The following ART3 variants were observed in gnomAD, a reference collection of about 807,000 sequenced individuals.
ART3 encodes the protein ADP-ribosyltransferase 3 (inactive), also known as ecto-ADP-ribosyltransferase 3.
ART3 carries 49 observed loss-of-function variants against 48.5 expected under a neutral mutation model. That is an observed-to-expected ratio of 1.01 (90% CI 0.80 to 1.28). The LOEUF is 1.28. Ranked by LOEUF, ART3 falls within the 50% of genes most tolerant of loss-of-function variation. ART3 has a pLI of 0.00. For synonymous variants in ART3, 145 were observed against 157.2 expected, an observed-to-expected ratio of 0.92 and a Z score of 0.58; for missense variants, 438 against 454.3, an observed-to-expected ratio of 0.96 and a Z score of 0.33.
At chr4:76,062,393 T>A (rs1488355613) in intron 1 of ART3, among the ~76,000 whole-genome samples, 2 of 152,110 alleles carry the variant, frequency 1.3e-5, no homozygotes, top group East Asian at 3.8e-4. Flanking sequence ...TACAGTTTAG[T>A]CAATATAAAA....
intron 1 of ART3, among the ~76,000 whole-genome samples, chr4:76,025,187 G>A (rs1448477956): frequency 1.1e-5 from 1 of 92,106 alleles, no homozygotes; most frequent in African/African-American, 4.9e-5. Context: ...AGTCTTATGA[G>A]AAATAGTGAC....
intron 1 of ART3, chr4:76,023,489 G>T (rs1733081954): frequency 1.4e-6 from 2 of 1,478,324 alleles, no homozygotes; most frequent in African/African-American, 1.4e-5. Flanking sequence ...AGCAATTGAG[G>T]AATGTCTCAG....
At chr4:76,104,868 AT>A (rs1201097816) in intron 10 of ART3, among the ~76,000 whole-genome samples, 7 of 152,090 alleles carry the variant, frequency 4.6e-5, no homozygotes, top group Non-Finnish European at 1.0e-4. Context: ...ACTTTGAAAT[AT>A]TTTTTTGCAG....
At chr4:76,038,696 ATTATTTAT>A (rs58279842) in intron 1 of ART3, among the ~76,000 whole-genome samples, 3,774 of 149,504 alleles carry the variant, frequency 0.025, 79 homozygotes, top group Non-Finnish European at 0.036. Context: ...TCCACCCTTG[ATTATTTAT>A]TTATTTATTT....
intron 1 of ART3, among the ~76,000 whole-genome samples, chr4:76,017,012 C>T (rs1300100129): frequency 6.6e-6 from 1 of 152,068 alleles, no homozygotes; most frequent in African/African-American, 2.4e-5. Context: ...CCAGAAATGC[C>T]ATCTAAGCCC....
At chr4:76,013,315 T>A (rs1437984966) in intron 1 of ART3, among the ~76,000 whole-genome samples, 1 of 151,734 alleles carries the variant, frequency 6.6e-6, no homozygotes, top group African/African-American at 2.4e-5. Flanking sequence ...AATAATGGAG[T>A]GGTGAGAAAT....
At chr4:76,032,341 AG>A (rs1178642336) in intron 1 of ART3, among the ~76,000 whole-genome samples, 2 of 151,492 alleles carry the variant, frequency 1.3e-5, no homozygotes, top group Admixed American at 1.3e-4. Context: ...CAAGTAGCTG[AG>A]GTTACAGGCA....
At chr4:76,073,871 G>A (rs1720585779), upstream of ART3, among the ~76,000 whole-genome samples, 1 of 151,944 alleles carries the variant, frequency 6.6e-6, no homozygotes, top group Admixed American at 6.6e-5. Context: ...TGTTATATAT[G>A]GTCAGAGTTT....
At chr4:76,020,088 G>A (rs551029923) in intron 1 of ART3, among the ~76,000 whole-genome samples, 11 of 150,888 alleles carry the variant, frequency 7.3e-5, no homozygotes, top group South Asian at 2.1e-4. Context: ...TCTTACTTCT[G>A]TGAAATTCTT....
chr4:76,052,050 G>A (rs897031188), intron 1 of ART3, among the ~76,000 whole-genome samples: 16 of 151,862 alleles, frequency 1.1e-4, no homozygotes, highest in African/African-American at 3.9e-4. Flanking sequence ...CTGGATTACG[G>A]TCGCCTGCCA....
intron 1 of ART3, among the ~76,000 whole-genome samples, chr4:76,060,029 C>A (rs576187720): frequency 6.6e-6 from 1 of 152,214 alleles, no homozygotes; most frequent in African/African-American, 2.4e-5. Flanking sequence ...CTGAGAGGTC[C>A]CTCCAGGGCA....
intron 2 of ART3, among the ~76,000 whole-genome samples, chr4:76,080,070 A>G (rs922430808): frequency 6.6e-6 from 1 of 152,190 alleles, no homozygotes; most frequent in Admixed American, 6.5e-5. Flanking sequence ...GACTTATGCA[A>G]CTATGCACCA....
chr4:76,040,437 T>TAC (rs748020159), intron 1 of ART3, among the ~76,000 whole-genome samples: 9,596 of 88,318 alleles, frequency 0.11, 385 homozygotes, highest in Middle Eastern at 0.18. Flanking sequence ...ATACACTGGA[T>TAC]ACACACACAC....
intron 9 of ART3, chr4:76,104,293 T>C (rs1727989598): frequency 2.1e-6 from 2 of 945,614 alleles, no homozygotes; most frequent in Non-Finnish European, 2.5e-6. Context: ...GAAACCTACC[T>C]TTACGCACAA....
chr4:76,075,448 C>G (rs993609987), intron 1 of ART3, among the ~76,000 whole-genome samples: 2 of 152,190 alleles, frequency 1.3e-5, no homozygotes, highest in African/African-American at 4.8e-5. Context: ...TGTGCATGGA[C>G]ATATTCCTGG....
chr4:76,067,293 C>G (rs1719835532), intron 1 of ART3, among the ~76,000 whole-genome samples: 1 of 152,168 alleles, frequency 6.6e-6, no homozygotes, highest in Non-Finnish European at 1.5e-5. Context: ...AACTGGGGTA[C>G]AAACCAGTTT....
chr4:76,101,718 C>T (rs1727358130), intron 8 of ART3, among the ~76,000 whole-genome samples: 1 of 152,052 alleles, frequency 6.6e-6, no homozygotes, highest in African/African-American at 2.4e-5. Context: ...CGCCACTGCA[C>T]TCTAGCCTGG....
At position 76,104,692 on chromosome 4, in the gene ART3, G is replaced by T. The variant is rs745513291; in HGVS notation, c.1003+63G>T. On this transcript the variant is annotated intron_variant, in intron 10 of 11. Coordinates refer to ENST00000355810, the MANE Select transcript of ART3 (RefSeq NM_001130016.3). ...AGTTTGGGGAGTACAGTCACCATTAGATATGCATGGGACTTTCTATGCCTC... is the reference window on the plus strand; with the variant it reads ...AGTTTGGGGAGTACAGTCACCATTATATATGCATGGGACTTTCTATGCCTC... 90 of 1,530,248 alleles carry T rather than the reference G, an allele frequency of 5.9e-5. 1 individual carries two copies. Among genetic ancestry groups the T allele is most frequent in the Non-Finnish European group, 7.8e-5 (88 of 1,128,190 alleles). The allele number at this position is 1,530,248 out of a possible 1,614,324, so 94.8% of individuals were successfully genotyped here.
intron 2 of ART3, among the ~76,000 whole-genome samples, chr4:76,077,647 G>GTTAT (rs1172160169): frequency 6.6e-6 from 1 of 152,126 alleles, no homozygotes; most frequent in Admixed American, 6.5e-5. Context: ...GAATTTGGGG[G>GTTAT]TTATGATTTA....
Sources: gnomAD v4.1 joint callset for allele counts (sites outside exome capture counted in the v4.1 genomes callset) on GRCh38, gnomAD v4.1.1 for gene constraint, MANE v1.5 for transcripts, NCBI Gene and HGNC (gene_info 2026-07-23, HGNC 2026-07-21) for gene names.